SH3PXD2B: variants seen among roughly 807,000 people sequenced by gnomAD.
The protein encoded by SH3PXD2B is SH3 and PX domain-containing protein 2B.
A neutral mutation model predicts 73.1 loss-of-function variants in SH3PXD2B; 37 were observed. That is an observed-to-expected ratio of 0.51 (90% confidence interval 0.39 to 0.67). The LOEUF (loss-of-function observed/expected upper bound fraction) is 0.67, where lower values mean the gene tolerates loss of function less well. SH3PXD2B is among the 30% of genes least tolerant of loss of function. The pLI is 0.00. For synonymous variants in SH3PXD2B, 457 were observed against 480.5 expected, an observed-to-expected ratio of 0.95 and a Z score of 0.64; for missense variants, 1,053 against 1,197.8, an observed-to-expected ratio of 0.88 and a Z score of 1.78.
chr5:172,412,296 T>C (rs1758719374), intron 2 of SH3PXD2B, among the ~76,000 whole-genome samples: 1 of 152,214 alleles, frequency 6.6e-6, no homozygotes, highest in African/African-American at 2.4e-5. Flanking sequence ...CATCTTGCTG[T>C]CCAATCCAGT....
intron 1 of SH3PXD2B, among the ~76,000 whole-genome samples, chr5:172,433,118 T>A (rs2113486771): frequency 6.6e-6 from 1 of 151,786 alleles, no homozygotes; most frequent in East Asian, 1.9e-4. Flanking sequence ...GGTGAGTATT[T>A]GTATATTCTA....
intron 12 of SH3PXD2B, among the ~76,000 whole-genome samples, chr5:172,345,007 G>A (rs1443580813): frequency 1.4e-5 from 2 of 146,940 alleles, no homozygotes; most frequent in African/African-American, 2.6e-5. Context: ...GGAGGAAAGA[G>A]AGAAGGAGGG....
chr5:172,422,312 G>T, intron 2 of SH3PXD2B, 104 bp downstream of exon 2: 1 of 1,099,756 alleles, frequency 9.1e-7, no homozygotes. Flanking sequence ...TCATTTTTAA[G>T]TCTGGGAAAT....
At chr5:172,345,498 C>T (rs1384707999) in intron 12 of SH3PXD2B, among the ~76,000 whole-genome samples, 1 of 152,196 alleles carries the variant, frequency 6.6e-6, no homozygotes, top group African/African-American at 2.4e-5. Context: ...GATTGGCTCA[C>T]CTGCTTTTGA....
At position 172,373,736 on chromosome 5, in the gene SH3PXD2B, G is replaced by T. The variant is rs962471866; in HGVS notation, c.427+54C>A. On this transcript the variant is annotated intron_variant, in intron 6 of 12. Transcript: ENST00000311601. The stretch of plus-strand genomic sequence containing the variant: ...AGAGCCTGGTGCACAGTTGGTGCTC[G>T]GCTGGAGTTTGCCGAAAACTGAACG... The T allele has an allele frequency of 3.8e-6, 6 of 1,569,788 alleles. No homozygotes were observed. In the South Asian group the frequency reaches 6.9e-5, roughly 18 times the overall value.
At chr5:172,392,476 A>C (rs1758212550) in intron 4 of SH3PXD2B, among the ~76,000 whole-genome samples, 1 of 152,214 alleles carries the variant, frequency 6.6e-6, no homozygotes, top group Admixed American at 6.5e-5. Flanking sequence ...TTTGTTAAAA[A>C]GACTATCCTT....
chr5:172,338,512 T>G lies in SH3PXD2B; in HGVS notation c.2593A>C (p.Lys865Gln), dbSNP rs1174873107. ...CCTTCCTGGAAGCTGCTGGTGTCTT[T>G]GTCTCCTTCAAAGTCGGCCACGGCC... The part of the protein sequence containing the change: ...YVAVADFEGD[K>Q]DTSSFQEGTV... Residue 865 changes from lysine (K) to glutamine (Q), a missense_variant, in exon 13 of 13, where the codon AAA (lysine) becomes CAA (glutamine). Around this residue, in one of 2 missense-constraint regions of SH3PXD2B, gnomAD observed 587 missense variants for 590.7 expected, o/e 0.99. Coordinates refer to ENST00000311601, the MANE Select transcript of SH3PXD2B (RefSeq NM_001017995.3). The surrounding 1 kb of genome is among the most constrained non-coding windows in gnomAD (Gnocchi z 5.1). 6.2e-7 allele frequency: 1 copy of G among 1,614,210 alleles called. No individual in the cohort carries two copies. Among genetic ancestry groups the G allele is most frequent in the Admixed American group, 1.7e-5 (1 of 60,024 alleles).
Position 172,338,347 on chromosome 5 carries a change from C to T in SH3PXD2B, c.*22G>A. 6.2e-7 allele frequency: 1 copy of T among 1,613,948 alleles called. No homozygotes were observed. Among genetic ancestry groups the T allele is most frequent in the Non-Finnish European group, 8.5e-7 (1 of 1,180,048 alleles). ...TAAAGCCAGCAAGGACCAGCGGGCC[C>T]TCTAGGCAGAAAGGGAGTCGGCTAC... On this transcript the variant is annotated 3_prime_UTR_variant, in exon 13 of 13. Coordinates refer to ENST00000311601, the MANE Select transcript of SH3PXD2B (RefSeq NM_001017995.3). The surrounding 1 kb of genome is among the most constrained non-coding windows in gnomAD (Gnocchi z 5.1).
intron 1 of SH3PXD2B, among the ~76,000 whole-genome samples, chr5:172,438,670 C>T (rs1354490393): frequency 6.6e-6 from 1 of 152,120 alleles, no homozygotes; most frequent in Non-Finnish European, 1.5e-5. Flanking sequence ...CCCAGAGTTT[C>T]TCTGAAGAGG....
At chr5:172,414,456 TAAAAAAAAAAAAAAAAA>T in intron 2 of SH3PXD2B, among the ~76,000 whole-genome samples, 1 of 77,554 alleles carries the variant, frequency 1.3e-5, no homozygotes. Flanking sequence ...GACTCCATCT[TAAAAAAAAAAAAAAAAA>T]AAAAAAAAAA....
intron 3 of SH3PXD2B, among the ~76,000 whole-genome samples, chr5:172,395,948 T>A (rs1277923636): frequency 6.6e-6 from 1 of 151,898 alleles, no homozygotes; most frequent in Non-Finnish European, 1.5e-5. Context: ...GGAATTTGGG[T>A]CAAGAGGCTG....
At chr5:172,391,237 A>T (rs4868164) in intron 4 of SH3PXD2B, among the ~76,000 whole-genome samples, 1 of 151,898 alleles carries the variant, frequency 6.6e-6, no homozygotes, top group Admixed American at 6.6e-5. Flanking sequence ...TAGTGGCTGT[A>T]TAAGTATCTC....
At chr5:172,343,420 G>A (rs1380413565) in intron 12 of SH3PXD2B, among the ~76,000 whole-genome samples, 1 of 152,224 alleles carries the variant, frequency 6.6e-6, no homozygotes, top group Non-Finnish European at 1.5e-5. Flanking sequence ...TGTGGTAGAA[G>A]CTCTGAACAT....
chr5:172,412,135 G>A (rs1248692729), intron 2 of SH3PXD2B, among the ~76,000 whole-genome samples: 1 of 152,176 alleles, frequency 6.6e-6, no homozygotes, highest in Non-Finnish European at 1.5e-5. Flanking sequence ...ATAGCATGTG[G>A]CAGAATTTCC....
chr5:172,440,776 T>A (rs915259012), intron 1 of SH3PXD2B, among the ~76,000 whole-genome samples: 3 of 151,962 alleles, frequency 2.0e-5, no homozygotes, highest in African/African-American at 7.3e-5. Flanking sequence ...AAGACAGCAA[T>A]GGTGGAAGCG....
At position 172,362,990 on chromosome 5, in the gene SH3PXD2B, T is replaced by C. The variant is rs372334538; in HGVS notation, c.428-121A>G. On this transcript the variant is annotated intron_variant, in intron 6 of 12. Transcript: ENST00000311601. ...AAAAAAGCAGCAGTTACAGGACTCA[T>C]CTCAAGGGTGACTTCATCCATTCAT... 512 of 1,300,194 alleles carry C rather than the reference T, an allele frequency of 3.9e-4. 1 individual carries two copies. The African/African-American group carries it at 6.4e-3, about 16-fold the overall frequency. 80.5% of individuals were successfully genotyped at this position (1,300,194 alleles called of 1,614,324 possible). A position where few individuals can be genotyped will look rare whatever the true frequency, so the allele number is the denominator to read the frequency against.
rs1756671223 is a variant in SH3PXD2B at position 172,335,648 on chromosome 5, G to A, written c.*2721C>T. On this transcript the variant is annotated 3_prime_UTR_variant, in exon 13 of 13. Transcript: ENST00000311601. ...TCACGATGGGCCTGGACACTTTCTA[G>A]AGCCATGACTCCAGGGGAGTTCTGC... The A allele has an allele frequency of 8.1e-7, 1 of 1,231,698 alleles. No homozygotes were observed. Among genetic ancestry groups the A allele is most frequent in the African/African-American group, 1.6e-5 (1 of 64,422 alleles). The allele number at this position is 1,231,698 out of a possible 1,614,324, so 76.3% of individuals were successfully genotyped here.
Position 172,334,672 on chromosome 5 carries a change from ATGTCAAGT to A in SH3PXD2B, c.*3689_*3696del. The A allele has an allele frequency of 1.0e-6, 1 of 985,484 alleles. No homozygotes were observed. Among genetic ancestry groups the A allele is most frequent in the African/African-American group, 1.7e-5 (1 of 57,358 alleles). 61.0% of individuals were successfully genotyped at this position (985,484 alleles called of 1,614,324 possible). A position where few individuals can be genotyped will look rare whatever the true frequency, so the allele number is the denominator to read the frequency against. ...CCAGCTACGAATGTTTTTGTTCTTG[ATGTCAAGT>A]TGCCAGCTACTGGAAGGCAGGAGCA... On this transcript the variant is annotated 3_prime_UTR_variant, in exon 13 of 13. Transcript: ENST00000311601.
intron 12 of SH3PXD2B, among the ~76,000 whole-genome samples, chr5:172,327,958 T>C (rs1042722507): frequency 6.6e-6 from 1 of 152,064 alleles, no homozygotes; most frequent in Non-Finnish European, 1.5e-5. Flanking sequence ...TTTCACCATG[T>C]TGGCCAGGCT....
Sources: gnomAD v4.1 joint callset for allele counts (sites outside exome capture counted in the v4.1 genomes callset) on GRCh38, gnomAD v4.1.1 for gene constraint, gnomAD v4.1.1 regional missense constraint, Gnocchi (gnomAD v3.1) non-coding constraint, MANE v1.5 for transcripts, NCBI Gene and HGNC (gene_info 2026-07-23, HGNC 2026-07-21) for gene names.